DMD: variants seen among roughly 807,000 people sequenced by gnomAD.
The protein encoded by DMD is dystrophin, also known as mutant dystrophin.
Under a neutral mutation model 330.1 loss-of-function variants are expected in DMD, and 63 were observed. The ratio of observed to expected loss-of-function variants is 0.19; its 90% CI spans 0.16 to 0.24. The LOEUF is 0.24. DMD is among the 10% of genes least tolerant of loss of function. The pLI, the probability that DMD is intolerant of heterozygous loss-of-function variation, is 1.00. For missense variants in DMD, 3,344 were observed against 2,684.1 expected, an observed-to-expected ratio of 1.25 and a Z score of -5.43; for synonymous variants, 1,223 against 959.8, an observed-to-expected ratio of 1.27 and a Z score of -5.07.
intron 13 of DMD, among the ~76,000 whole-genome samples, chrX:32,578,010 G>A (rs2053250009): frequency 1.8e-5 from 2 of 112,331 alleles, no homozygotes; most frequent in African/African-American, 3.2e-5. Flanking sequence ...GAATTACAAA[G>A]AATGAAGCAA....
chrX:31,881,755 G>T (rs915757696), intron 47 of DMD, among the ~76,000 whole-genome samples: 2 of 112,182 alleles, frequency 1.8e-5, no homozygotes, highest in Non-Finnish European at 3.8e-5. Context: ...TAGCCTGGAT[G>T]TGCAGTAGGC....
At chrX:32,100,823 A>G (rs1203653354) in intron 44 of DMD, among the ~76,000 whole-genome samples, 1 of 111,512 alleles carries the variant, frequency 9.0e-6, no homozygotes, top group Non-Finnish European at 1.9e-5. Flanking sequence ...TTAGCTTCAC[A>G]TCTCCCTTCG....
chrX:31,351,990 T>C (rs1365043125), intron 60 of DMD, among the ~76,000 whole-genome samples: 2 of 110,793 alleles, frequency 1.8e-5, no homozygotes, highest in Non-Finnish European at 3.8e-5. Context: ...GAGCTAGGAT[T>C]CAAACTCATT....
intron 60 of DMD, among the ~76,000 whole-genome samples, chrX:31,392,555 T>C (rs2148796815): frequency 8.9e-6 from 1 of 111,931 alleles, no homozygotes; most frequent in African/African-American, 3.2e-5. Context: ...TGCATCTGGG[T>C]ACTCTAGGAA....
intron 7 of DMD, among the ~76,000 whole-genome samples, chrX:32,804,966 A>G (rs926700264): frequency 3.6e-5 from 4 of 112,193 alleles, no homozygotes; most frequent in African/African-American, 9.7e-5. Context: ...AAGGTCACCA[A>G]TGTCAAAGAT....
At chrX:32,428,713 G>T (rs1031541446) in intron 29 of DMD, among the ~76,000 whole-genome samples, 3 of 111,295 alleles carry the variant, frequency 2.7e-5, no homozygotes, top group African/African-American at 9.8e-5. Context: ...CCAGATTCAA[G>T]CAATTCTCCC....
chrX:31,498,888 G>C (rs986289298), intron 56 of DMD, among the ~76,000 whole-genome samples: 7 of 112,219 alleles, frequency 6.2e-5, no homozygotes, highest in Non-Finnish European at 1.3e-4. Context: ...CATACAATTA[G>C]AGGTCAGTTC....
At chrX:32,379,906 T>C (rs1482705458) in intron 34 of DMD, among the ~76,000 whole-genome samples, 1 of 110,396 alleles carries the variant, frequency 9.1e-6, no homozygotes, top group East Asian at 2.8e-4. Context: ...GGTAATCTGG[T>C]AATGAATAAA....
At chrX:32,932,734 TATCAG>T (rs2089697631) in intron 2 of DMD, among the ~76,000 whole-genome samples, 1 of 111,734 alleles carries the variant, frequency 8.9e-6, no homozygotes, top group Admixed American at 9.5e-5. Flanking sequence ...GGCTGGAGAA[TATCAG>T]ATCTGCTGGT....
At chrX:33,141,671 G>A (rs1465987834) in intron 1 of DMD, among the ~76,000 whole-genome samples, 2 of 111,585 alleles carry the variant, frequency 1.8e-5, no homozygotes, top group Admixed American at 9.6e-5. Context: ...TAGAAACTCA[G>A]CAGAGTTTTC....
At chrX:32,343,607 T>C (rs1035822681) in intron 39 of DMD, among the ~76,000 whole-genome samples, 1 of 111,320 alleles carries the variant, frequency 9.0e-6, no homozygotes, top group Non-Finnish European at 1.9e-5. Context: ...GAGTTTAATA[T>C]ACGAATACAA....
Position 31,658,110 on chromosome X carries a change from T to A in DMD, c.7907A>T (p.Asn2636Ile). 4 of 1,211,902 alleles carry A rather than the reference T, an allele frequency of 3.3e-6. No homozygotes were observed. The highest frequency in any genetic ancestry group is 4.5e-6 in the Non-Finnish European group (4 of 895,444). ...LAKDLRQWQT[N>I]VDVANDLALK... is the part of the protein sequence containing the mutation. ...GGCCAAGTCATTTGCCACATCTACA[T>A]TTGTCTGCCACTGGCGGAGGTCTTT... Residue 2636 changes from asparagine (N) to isoleucine (I), a missense_variant, in exon 54 of 79, where the codon AAT becomes ATT. By Grantham distance (149) the Asn-to-Ile change is moderately radical. Transcript: ENST00000357033.
rs778642756 is a variant in DMD, at chrX:31,964,252, C to T, written c.6614+4087G>A. On this transcript the variant is annotated intron_variant, in intron 45 of 78. Coordinates refer to ENST00000357033, the MANE Select transcript of DMD (RefSeq NM_004006.3). Reference sequence around the variant, plus strand: ...AAGATGAGACATTTTTTGAGGCTAGCGTCCTGGACATTTTCAAATTTCAAT... The same window carrying T: ...AAGATGAGACATTTTTTGAGGCTAGTGTCCTGGACATTTTCAAATTTCAAT... Among the ~76,000 whole-genome samples the T allele has an allele frequency of 8.1e-5, 9 of 110,809 alleles. No individual in the cohort carries two copies. The South Asian group carries it at 2.7e-3, about 33-fold the overall frequency.
chrX:32,221,562 A>T (rs752395435), intron 43 of DMD, among the ~76,000 whole-genome samples: 2 of 111,983 alleles, frequency 1.8e-5, no homozygotes, highest in South Asian at 7.5e-4. Context: ...TTTTTAAAAA[A>T]TTCAAATTCA....
chrX:32,510,410 C>T (rs1229450383), intron 18 of DMD, among the ~76,000 whole-genome samples: 1 of 111,552 alleles, frequency 9.0e-6, no homozygotes, highest in Non-Finnish European at 1.9e-5. Flanking sequence ...ACATGCATAC[C>T]CTCTCATTTT....
rs777448205 is a variant in DMD, at chrX:33,018,141, C to T, written c.93+1998G>A. 2.7e-5 allele frequency among the ~76,000 whole-genome samples: 3 copies of T among 111,876 alleles called. No individual in the cohort carries two copies. In the East Asian group the frequency reaches 8.4e-4, roughly 31 times the overall value. ...AGTGCACAGGTATATATACATTTTA[C>T]CTTTAAATAAGTTTTCTCCTCTGTC... On this transcript the variant is annotated intron_variant, in intron 2 of 78. Coordinates refer to ENST00000357033, the MANE Select transcript of DMD (RefSeq NM_004006.3).
At chrX:32,009,779 A>C in intron 44 of DMD, among the ~76,000 whole-genome samples, 1 of 111,822 alleles carries the variant, frequency 8.9e-6, no homozygotes, top group Non-Finnish European at 1.9e-5. Flanking sequence ...TTCACACCAG[A>C]TGAGCTTCCA....
chrX:31,515,867 A>G (rs984550827), intron 55 of DMD, among the ~76,000 whole-genome samples: 8 of 112,686 alleles, frequency 7.1e-5, no homozygotes, highest in Non-Finnish European at 1.5e-4. Context: ...TTAAGAAGAA[A>G]GCAGTGTATG....
intron 9 of DMD, among the ~76,000 whole-genome samples, chrX:32,653,612 T>A (rs1307827654): frequency 1.8e-5 from 2 of 112,129 alleles, no homozygotes; most frequent in Non-Finnish European, 3.8e-5. Context: ...GCTTTGTTCT[T>A]TTGGCTTAGG....
Sources: gnomAD v4.1 joint callset for allele counts (sites outside exome capture counted in the v4.1 genomes callset) on GRCh38, gnomAD v4.1.1 for gene constraint, MANE v1.5 for transcripts, NCBI Gene and HGNC (gene_info 2026-07-23, HGNC 2026-07-21) for gene names.